CAMTA2: variants seen among roughly 807,000 people sequenced by gnomAD.
CAMTA2 encodes calmodulin-binding transcription activator 2.
In CAMTA2, 56 loss-of-function variants were observed where a neutral mutation model predicts 135.7. That is an observed-to-expected ratio of 0.41 (90% CI 0.33 to 0.52). The LOEUF (loss-of-function observed/expected upper bound fraction) is 0.52, where lower values mean the gene tolerates loss of function less well. Among genes scored for constraint, CAMTA2 ranks in the 20% least tolerant of loss-of-function variants. CAMTA2 has a pLI of 0.16. For missense variants in CAMTA2, 1,358 were observed against 1,553.4 expected, an observed-to-expected ratio of 0.87 and a Z score of 2.11; for synonymous variants, 591 against 604.6, an observed-to-expected ratio of 0.98 and a Z score of 0.33.
chr17:4,981,637 T>C (rs1972965732), intron 7 of CAMTA2, 41 bp downstream of exon 7: 1 of 1,543,076 alleles, frequency 6.5e-7, no homozygotes. Context: ...GCCCTGTTTC[T>C]ACTCTCCCCT....
intron 15 of CAMTA2, 76 bp downstream of exon 15, chr17:4,972,693 C>T: frequency 1.3e-6 from 2 of 1,486,434 alleles, no homozygotes; most frequent in Non-Finnish European, 1.9e-6. Flanking sequence ...TTACTCGTTT[C>T]CCACACCCTT....
At chr17:4,984,777 G>A (rs1225180641) in intron 3 of CAMTA2, among the ~76,000 whole-genome samples, 1 of 149,588 alleles carries the variant, frequency 6.7e-6, no homozygotes, top group African/African-American at 2.5e-5. Context: ...TCCTAGCACT[G>A]TAGGAGGCCG....
Position 4,981,349 on chromosome 17 carries a change from G to A in CAMTA2, c.576C>T (p.Ile192=). Residue 192 remains isoleucine, a synonymous_variant, in exon 8 of 23, where the codon ATC becomes ATT. Transcript: ENST00000348066. ...LGQLKPMFHG[I]KWSCGNGTEE... ...CTGTTCCATTCCCGCAGCTCCACTT[G>A]ATGCCATGAACTAGAGAAGTTAGGG... The A allele has an allele frequency of 6.2e-7, 1 of 1,614,068 alleles. No homozygotes were observed.
At chr17:4,982,182 T>TGGGGG (rs778112847) in intron 5 of CAMTA2, 22 bp from the exon 6 acceptor site, 1 of 534,522 alleles carries the variant, frequency 1.9e-6, no homozygotes, top group South Asian at 1.5e-5. Flanking sequence ...CAGGCTGGGG[T>TGGGGG]GGGGGGAGGG....
At chr17:4,975,487 C>T (rs1281020677) in intron 11 of CAMTA2, among the ~76,000 whole-genome samples, 8 of 152,066 alleles carry the variant, frequency 5.3e-5, no homozygotes, top group African/African-American at 9.7e-5. Context: ...ATAGGAGAGA[C>T]GGTAAAACGT....
In CAMTA2 at chr17:4,973,167, A is replaced by T. The variant is rs368002094; in HGVS notation, c.2280+8T>A. ...CCCCATATGCGCTCAGGAATCCGTC[A>T]TCCTCACCAGAGGGGTGCAAGAGAA... On this transcript the variant is annotated splice_region_variant and intron_variant, in intron 14 of 22. Coordinates refer to ENST00000348066, the MANE Select transcript of CAMTA2 (RefSeq NM_015099.4). The T allele has an allele frequency of 9.9e-6, 16 of 1,612,422 alleles. No individual in the cohort carries two copies. In the South Asian group the frequency reaches 1.1e-4, roughly 11 times the overall value.
At chr17:4,978,659 C>T (rs1972774458) in intron 9 of CAMTA2, 29 bp from the exon 10 acceptor site, 1 of 1,606,010 alleles carries the variant, frequency 6.2e-7, no homozygotes, top group South Asian at 1.1e-5. Context: ...GACCATGTGA[C>T]TGGAGTTGGG....
Position 4,981,834 on chromosome 17 carries a change from G to T in CAMTA2, c.412-3C>A. The T allele has an allele frequency of 6.3e-7, 1 of 1,597,936 alleles. No homozygotes were observed. Among genetic ancestry groups the T allele is most frequent in the South Asian group, 1.1e-5 (1 of 89,966 alleles). On this transcript the variant is annotated splice_region_variant and splice_polypyrimidine_tract_variant and intron_variant, in intron 6 of 22. Transcript: ENST00000348066. ...TGCACAAGGACGATGTCAGGGTTCT[G>T]AGAGTATAAGGGGACACACAGAGCC...
rs1972949293 is a variant in CAMTA2, at chr17:4,981,340, G to A, written c.585C>T (p.Ser195=). 1 of 1,614,058 alleles carries A rather than the reference G, an allele frequency of 6.2e-7. No individual in the cohort carries two copies. Among genetic ancestry groups the A allele is most frequent in the Non-Finnish European group, 8.5e-7 (1 of 1,179,960 alleles). The part of the protein sequence containing the change: ...LKPMFHGIKW[S]CGNGTEEFSV... ...AGAACTCTTCTGTTCCATTCCCGCA[G>A]CTCCACTTGATGCCATGAACTAGAG... The change falls in exon 8 of 23, where the codon AGC becomes AGT. Residue 195 remains serine, a synonymous_variant. Coordinates refer to ENST00000348066, the MANE Select transcript of CAMTA2 (RefSeq NM_015099.4).
At chr17:4,971,863 AT>A (rs1343212605) in intron 16 of CAMTA2, among the ~76,000 whole-genome samples, 4 of 151,568 alleles carry the variant, frequency 2.6e-5, no homozygotes, top group Non-Finnish European at 5.9e-5. Context: ...TAATTTTTGT[AT>A]TTCTTGTAGA....
chr17:4,970,322 T>G lies in CAMTA2; in HGVS notation c.3005+18A>C. On this transcript the variant is annotated intron_variant, in intron 17 of 22. Coordinates refer to ENST00000348066, the MANE Select transcript of CAMTA2 (RefSeq NM_015099.4). ...TCTTCCTTTGAAGAATCTGGAGGCT[T>G]TGTCCTGAGCTAGTCACCTGGGAGG... The G allele has an allele frequency of 6.2e-7, 1 of 1,613,060 alleles. No individual in the cohort carries two copies. Among genetic ancestry groups the G allele is most frequent in the South Asian group, 1.1e-5 (1 of 91,064 alleles).
At chr17:4,983,223 G>A in intron 3 of CAMTA2, 180 bp from the exon 4 acceptor site, 1 of 590,622 alleles carries the variant, frequency 1.7e-6, no homozygotes, top group Non-Finnish European at 3.1e-6. Context: ...TTTGTCCTAA[G>A]ACAAAAGTCT....
At chr17:4,979,513 A>AG (rs1263464461) in intron 9 of CAMTA2, 171 bp downstream of exon 9, 1 of 422,550 alleles carries the variant, frequency 2.4e-6, no homozygotes, top group African/African-American at 2.2e-5. Flanking sequence ...TGTCTCAAAA[A>AG]AAAAAAAAAA....
Position 4,969,207 on chromosome 17 carries a change from T to C in CAMTA2, c.3413A>G (p.Tyr1138Cys). ...AVLIQQHYRS[Y>C]RRRPGPPHRT... ...GTGGGGAGGGCCGGGCCTGCGGCGG[T>C]AGGAGCGGTAGTGCTGCTGGATGAG... Residue 1138 changes from tyrosine to cysteine, a missense_variant, in exon 21 of 23, where the codon TAC becomes TGC. By Grantham distance (194) the Tyr-to-Cys change is radical. This residue lies in a region of CAMTA2 where 167 missense variants were observed against 207.0 expected (regional missense o/e 0.81). Coordinates refer to ENST00000348066, the MANE Select transcript of CAMTA2 (RefSeq NM_015099.4). The surrounding 1 kb of genome is among the most constrained non-coding windows in gnomAD (Gnocchi z 5.6). 1 of 1,612,548 alleles carries C rather than the reference T, an allele frequency of 6.2e-7. No individual in the cohort carries two copies.
intron 17 of CAMTA2, 109 bp downstream of exon 17, chr17:4,970,231 G>T (rs551696750): frequency 4.2e-6 from 6 of 1,421,036 alleles, no homozygotes; most frequent in Admixed American, 1.8e-5. Flanking sequence ...GCTTCTCCAA[G>T]GCCCTGGGGC....
intron 3 of CAMTA2, among the ~76,000 whole-genome samples, chr17:4,983,917 G>A (rs1973110677): frequency 6.6e-6 from 1 of 150,828 alleles, no homozygotes; most frequent in South Asian, 2.1e-4. Flanking sequence ...AAATTTCAGT[G>A]GTTTGACACT....
In CAMTA2 at chr17:4,977,144, G is replaced by A; in HGVS notation, c.1814C>T (p.Pro605Leu). 6.2e-7 allele frequency: 1 copy of A among 1,614,048 alleles called. No individual in the cohort carries two copies. Among genetic ancestry groups the A allele is most frequent in the Non-Finnish European group, 8.5e-7 (1 of 1,179,994 alleles). The change falls in exon 11 of 23, where the codon CCC (proline) becomes CTC (leucine). Residue 605 changes from proline to leucine, a missense_variant. By Grantham distance (98) the Pro-to-Leu change is moderately conservative (BLOSUM62 -3). Around this residue, in one of 4 missense-constraint regions of CAMTA2, gnomAD observed 1,077 missense variants for 1,127.5 expected, o/e 0.96. Coordinates refer to ENST00000348066, the MANE Select transcript of CAMTA2 (RefSeq NM_015099.4). ...CTCAAAGAGCACAGAAGCAGAAAGG[G>A]GCCCCTCCCGCCCTGCCACCTGCAA... is the stretch of plus-strand genomic sequence containing the variant. ...VSLQVAGREG[P>L]LSASVLFEYR...
intron 12 of CAMTA2, 112 bp from the exon 13 acceptor site, chr17:4,973,881 C>T (rs1052751678): frequency 1.2e-6 from 1 of 845,766 alleles, no homozygotes; most frequent in Non-Finnish European, 1.8e-6. Context: ...CCCCTCCCCA[C>T]ATGTCCCACT....
chr17:4,972,028 A>G (rs1438549736), intron 16 of CAMTA2, among the ~76,000 whole-genome samples: 2 of 152,194 alleles, frequency 1.3e-5, no homozygotes, highest in Non-Finnish European at 2.9e-5. Flanking sequence ...GGGACCAGCC[A>G]GAATTTTCAA....
Sources: gnomAD v4.1 joint callset for allele counts (sites outside exome capture counted in the v4.1 genomes callset) on GRCh38, gnomAD v4.1.1 for gene constraint, gnomAD v4.1.1 regional missense constraint, Gnocchi (gnomAD v3.1) non-coding constraint, MANE v1.5 for transcripts, NCBI Gene and HGNC (gene_info 2026-07-23, HGNC 2026-07-21) for gene names.